TTLL11: variants seen among roughly 807,000 people sequenced by gnomAD.
The protein encoded by TTLL11 is tubulin polyglutamylase TTLL11.
TTLL11 carries 42 observed loss-of-function variants against 51.7 expected under a neutral mutation model. The ratio of observed to expected loss-of-function variants is 0.81; its 90% CI spans 0.64 to 1.05. The LOEUF is 1.05. TTLL11 is among the 50% of genes least tolerant of loss of function. TTLL11 has a pLI of 0.00. For missense variants in TTLL11, 799 were observed against 940.4 expected, an observed-to-expected ratio of 0.85 and a Z score of 1.97; for synonymous variants, 381 against 383.5, an observed-to-expected ratio of 0.99 and a Z score of 0.08.
chr9:121,984,564 A>G (rs1264362102), intron 4 of TTLL11, among the ~76,000 whole-genome samples: 1 of 152,170 alleles, frequency 6.6e-6, no homozygotes, highest in Non-Finnish European at 1.5e-5. Context: ...CCGTCTAAGA[A>G]CCAAATCCAA....
intron 3 of TTLL11, among the ~76,000 whole-genome samples, chr9:122,030,155 TTCC>T (rs1197401754): frequency 7.6e-6 from 1 of 131,952 alleles, no homozygotes; most frequent in Non-Finnish European, 1.6e-5. Flanking sequence ...AGGAAAGGTA[TTCC>T]ACATAGCAAC....
intron 8 of TTLL11, among the ~76,000 whole-genome samples, chr9:121,832,575 G>T (rs375684815): frequency 2.6e-5 from 4 of 152,184 alleles, no homozygotes; most frequent in South Asian, 2.1e-4. Context: ...TGCCACAATC[G>T]CATGGCTGGT....
intron 6 of TTLL11, among the ~76,000 whole-genome samples, chr9:121,953,433 G>C (rs1841911224): frequency 6.6e-6 from 1 of 151,922 alleles, no homozygotes; most frequent in African/African-American, 2.4e-5. Context: ...AGGAGTTCGA[G>C]ACCTGCCTGG....
At chr9:121,918,677 C>T (rs542911171) in intron 6 of TTLL11, among the ~76,000 whole-genome samples, 1 of 152,170 alleles carries the variant, frequency 6.6e-6, no homozygotes, top group East Asian at 1.9e-4. Flanking sequence ...CTTGCTACCA[C>T]AAAGAACATG....
chr9:121,869,379 T>C (rs976761040), intron 7 of TTLL11, among the ~76,000 whole-genome samples: 4 of 152,134 alleles, frequency 2.6e-5, no homozygotes, highest in Non-Finnish European at 5.9e-5. Context: ...GACTTTGAGG[T>C]GCAAGACAAA....
At chr9:121,836,911 C>A (rs1837194938) in intron 8 of TTLL11, among the ~76,000 whole-genome samples, 1 of 152,156 alleles carries the variant, frequency 6.6e-6, no homozygotes, top group African/African-American at 2.4e-5. Flanking sequence ...TTCCTGTGAG[C>A]TGGAAGTGAA....
rs79355900 is a variant in TTLL11, at chr9:121,995,468, A to T, written c.694-5698T>A. 4.6e-3 allele frequency among the ~76,000 whole-genome samples: 706 copies of T among 152,268 alleles called. 34 individuals are homozygous for T. In the East Asian group the frequency reaches 0.11, roughly 24 times the overall value. The stretch of plus-strand genomic sequence containing the variant: ...GGGAGCTGAGAGAAGAGGTAGAATC[A>T]GGGCACCTGGTGACTGGACAGATGT... On this transcript the variant is annotated intron_variant, in intron 3 of 8. Transcript: ENST00000321582. The surrounding 1 kb of genome is among the most constrained non-coding windows in gnomAD (Gnocchi z 4.4).
chr9:121,905,007 A>G (rs1839891973), intron 6 of TTLL11, among the ~76,000 whole-genome samples: 1 of 152,154 alleles, frequency 6.6e-6, no homozygotes, highest in Admixed American at 6.5e-5. Flanking sequence ...ATGTTCTTTC[A>G]CTTTGAAAAG....
chr9:122,050,861 TACTCAGGGTC>T (rs1453059214), intron 1 of TTLL11, among the ~76,000 whole-genome samples: 1 of 152,196 alleles, frequency 6.6e-6, no homozygotes. Flanking sequence ...CCCAGTCAAG[TACTCAGGGTC>T]TGCGGCTCTG....
At chr9:121,958,987 G>A (rs1423241939) in intron 6 of TTLL11, among the ~76,000 whole-genome samples, 1 of 152,094 alleles carries the variant, frequency 6.6e-6, no homozygotes, top group Non-Finnish European at 1.5e-5. Context: ...ACAAGGGGGG[G>A]GGTCCAGTGC....
At chr9:121,871,224 G>GC (rs1564281651) in intron 6 of TTLL11, among the ~76,000 whole-genome samples, 6 of 145,018 alleles carry the variant, frequency 4.1e-5, no homozygotes, top group Non-Finnish European at 9.1e-5. Context: ...TGGCTTAACT[G>GC]TTTTTTTTTT....
chr9:122,050,484 C>T (rs376707530), intron 1 of TTLL11, among the ~76,000 whole-genome samples: 5 of 152,180 alleles, frequency 3.3e-5, no homozygotes, highest in African/African-American at 4.8e-5. Context: ...GTTTACATGA[C>T]GGCCTCCCTC....
chr9:121,889,548 C>T (rs1044364769), intron 6 of TTLL11, among the ~76,000 whole-genome samples: 2 of 152,082 alleles, frequency 1.3e-5, no homozygotes, highest in African/African-American at 4.8e-5. Context: ...CACATCACCC[C>T]CAGCAACCAC....
At chr9:121,976,490 T>G (rs1254850858) in intron 4 of TTLL11, among the ~76,000 whole-genome samples, 1 of 151,912 alleles carries the variant, frequency 6.6e-6, no homozygotes, top group African/African-American at 2.4e-5. Context: ...TCTAACATAA[T>G]TAATAGAACC....
intron 6 of TTLL11, among the ~76,000 whole-genome samples, chr9:121,877,938 T>C: frequency 6.6e-6 from 1 of 152,192 alleles, no homozygotes; most frequent in East Asian, 1.9e-4. Flanking sequence ...GGCCGGTTAT[T>C]TGTAACATCT....
chr9:121,992,882 T>C (rs567204893), intron 3 of TTLL11, among the ~76,000 whole-genome samples: 227 of 152,336 alleles, frequency 1.5e-3, no homozygotes, highest in African/African-American at 5.1e-3. Context: ...AGTAAGATAC[T>C]CTACTAAGAC....
At chr9:122,067,165 G>T (rs1395470187) in intron 1 of TTLL11, among the ~76,000 whole-genome samples, 1 of 152,160 alleles carries the variant, frequency 6.6e-6, no homozygotes, top group Admixed American at 6.5e-5. Flanking sequence ...CTCAACCTTT[G>T]TGAACCCATC....
chr9:121,897,923 C>T (rs936004467), intron 6 of TTLL11, among the ~76,000 whole-genome samples: 4 of 143,140 alleles, frequency 2.8e-5, no homozygotes, highest in African/African-American at 1.0e-4. Context: ...TTCTTCTATT[C>T]TTTTTTTTTT....
intron 8 of TTLL11, among the ~76,000 whole-genome samples, chr9:121,824,103 G>A (rs892904589): frequency 6.6e-6 from 1 of 152,128 alleles, no homozygotes; most frequent in Non-Finnish European, 1.5e-5. Context: ...GTGCATTGAC[G>A]CTAGGTACTT....
Sources: allele counts gnomAD v4.1 joint callset (sites outside exome capture counted in the v4.1 genomes callset), GRCh38; gene constraint gnomAD v4.1.1; non-coding constraint Gnocchi (gnomAD v3.1); transcripts MANE v1.5; gene names NCBI Gene and HGNC (gene_info 2026-07-23, HGNC 2026-07-21).